SRGAP1: variants seen among roughly 807,000 people sequenced by gnomAD.
SRGAP1 encodes SLIT-ROBO Rho GTPase activating protein 1.
Under a neutral mutation model 121.9 loss-of-function variants are expected in SRGAP1, and 43 were observed. The ratio of observed to expected loss-of-function variants is 0.35; its 90% CI spans 0.28 to 0.46. The LOEUF (loss-of-function observed/expected upper bound fraction) is 0.46, where lower values mean the gene tolerates loss of function less well. Among genes scored for constraint, SRGAP1 ranks in the 20% least tolerant of loss-of-function variants. The pLI is 1.00. For synonymous variants in SRGAP1, 447 were observed against 485.4 expected (o/e 0.92, Z 1.04); for missense variants, 1,102 against 1,350.9 (o/e 0.82, Z 2.89).
At chr12:63,975,159 G>T (rs2033059663) in intron 1 of SRGAP1, among the ~76,000 whole-genome samples, 1 of 152,224 alleles carries the variant, frequency 6.6e-6, no homozygotes, top group African/African-American at 2.4e-5. Flanking sequence ...AAACATGGTA[G>T]TTATTAATGA....
intron 1 of SRGAP1, among the ~76,000 whole-genome samples, chr12:63,900,204 CTTTT>C (rs67622101): frequency 1.1e-5 from 1 of 87,524 alleles, no homozygotes; most frequent in East Asian, 4.2e-4. Context: ...TTTTCTTTTT[CTTTT>C]TTTTTTTTTT....
At chr12:63,851,968 TTTTC>T (rs143811777) in intron 1 of SRGAP1, among the ~76,000 whole-genome samples, 2,391 of 152,190 alleles carry the variant, frequency 0.016, 31 homozygotes, top group Non-Finnish European at 0.026. Flanking sequence ...TTAATGCTGG[TTTTC>T]TTTCTATCTA....
At chr12:63,994,091 A>G (rs567352015) in intron 3 of SRGAP1, among the ~76,000 whole-genome samples, 8 of 152,308 alleles carry the variant, frequency 5.3e-5, no homozygotes, top group African/African-American at 1.7e-4. Flanking sequence ...TTCTGCAGCT[A>G]TAAAGTGGAT....
intron 11 of SRGAP1, among the ~76,000 whole-genome samples, chr12:64,089,364 G>A (rs372446718): frequency 6.6e-6 from 1 of 152,166 alleles, no homozygotes; most frequent in African/African-American, 2.4e-5. Context: ...TTTCCTTTGT[G>A]CCTTCTGCCT....
In SRGAP1 at chr12:64,124,589, G is replaced by A. The variant is rs149476697; in HGVS notation, c.2225-1388G>A. 2.6e-5 allele frequency among the ~76,000 whole-genome samples: 4 copies of A among 152,296 alleles called. No homozygotes were observed. In the East Asian group the frequency reaches 7.7e-4, roughly 29 times the overall value. On this transcript the variant is annotated intron_variant, in intron 18 of 21. Transcript: ENST00000355086. ...TGTTGATTACAAGGCTAAGGATGAG[G>A]TATTTGTGGGAGAGGGGAGCAAAGA...
intron 1 of SRGAP1, among the ~76,000 whole-genome samples, chr12:63,851,180 G>A (rs888882903): frequency 2.6e-5 from 4 of 152,128 alleles, no homozygotes; most frequent in Admixed American, 6.6e-5. Context: ...TTGGTTTAGA[G>A]ACAGTTATGT....
At chr12:63,912,786 A>G (rs757060004) in intron 1 of SRGAP1, among the ~76,000 whole-genome samples, 21 of 152,136 alleles carry the variant, frequency 1.4e-4, no homozygotes, top group Non-Finnish European at 7.4e-5. Flanking sequence ...ATTTTTGACC[A>G]ACATTTTAGA....
At chr12:63,946,807 T>A (rs1262794710) in intron 1 of SRGAP1, among the ~76,000 whole-genome samples, 2 of 152,300 alleles carry the variant, frequency 1.3e-5, no homozygotes, top group East Asian at 3.9e-4. Flanking sequence ...CCTCCCAAAG[T>A]TCTGGGATTA....
chr12:63,943,918 G>A (rs188767749), intron 1 of SRGAP1, among the ~76,000 whole-genome samples: 95 of 152,270 alleles, frequency 6.2e-4, no homozygotes, highest in Non-Finnish European at 1.2e-3. Flanking sequence ...ATCCAAGAAT[G>A]TATATTAAAT....
intron 1 of SRGAP1, among the ~76,000 whole-genome samples, chr12:63,865,798 C>T (rs1427736120): frequency 1.3e-5 from 2 of 152,152 alleles, no homozygotes; most frequent in East Asian, 1.9e-4. Flanking sequence ...GAGCATACTT[C>T]TCAGATGTAA....
chr12:63,855,483 T>TG (rs1173250864), intron 1 of SRGAP1, among the ~76,000 whole-genome samples: 202 of 118,134 alleles, frequency 1.7e-3, no homozygotes, highest in Non-Finnish European at 3.2e-3. Context: ...GTTTTTTTTT[T>TG]TTTTTTTTTT....
At chr12:63,984,242 G>A in intron 2 of SRGAP1, 100 bp downstream of exon 2, 1 of 553,828 alleles carries the variant, frequency 1.8e-6, no homozygotes, top group South Asian at 5.4e-5. Context: ...TCTGAGTAGT[G>A]GTTGTAGAGC....
intron 3 of SRGAP1, among the ~76,000 whole-genome samples, chr12:63,995,792 G>C (rs938877048): frequency 4.0e-5 from 6 of 151,884 alleles, no homozygotes; most frequent in Admixed American, 6.6e-5. Flanking sequence ...TAATCTGAAA[G>C]AAAGGAAAGG....
intron 1 of SRGAP1, among the ~76,000 whole-genome samples, chr12:63,867,883 G>A (rs1381136295): frequency 6.6e-6 from 1 of 151,110 alleles, no homozygotes; most frequent in Non-Finnish European, 1.5e-5. Context: ...AGAAAAGCAG[G>A]GAGATATTTA....
At position 63,986,143 on chromosome 12, in the gene SRGAP1, C is replaced by T. The variant is rs117373573; in HGVS notation, c.263+2001C>T. 7.4e-3 allele frequency among the ~76,000 whole-genome samples: 1,125 copies of T among 151,712 alleles called. 8 individuals are homozygous for T. The highest frequency in any genetic ancestry group is 0.012 in the Non-Finnish European group (809 of 67,880). On this transcript the variant is annotated intron_variant, in intron 2 of 21. Transcript: ENST00000355086. ...TTTCTTCCTCTCCCTTTCACTCTCT[C>T]TCTCCTCTCTTCTCTTTTTTCTTCC...
At chr12:63,863,435 C>T (rs942899953) in intron 1 of SRGAP1, among the ~76,000 whole-genome samples, 1 of 151,932 alleles carries the variant, frequency 6.6e-6, no homozygotes, top group African/African-American at 2.4e-5. Flanking sequence ...GCCATGCCTG[C>T]CTAATTTTGT....
At chr12:63,874,455 G>A (rs1346412241) in intron 1 of SRGAP1, among the ~76,000 whole-genome samples, 2 of 151,992 alleles carry the variant, frequency 1.3e-5, no homozygotes, top group African/African-American at 4.8e-5. Context: ...CGCCTGCCTC[G>A]ACCTCCCAAA....
chr12:64,130,800 G>A, intron 21 of SRGAP1, among the ~76,000 whole-genome samples: 1 of 152,216 alleles, frequency 6.6e-6, no homozygotes, highest in East Asian at 1.9e-4. Context: ...GTCACAGATG[G>A]TAGTCTTGGC....
intron 1 of SRGAP1, among the ~76,000 whole-genome samples, chr12:63,960,387 T>C (rs1348006663): frequency 1.3e-5 from 2 of 152,084 alleles, no homozygotes; most frequent in African/African-American, 4.8e-5. Context: ...GGCTTCTCTT[T>C]TCTTCTCTAC....
Sources: gnomAD v4.1 joint callset for allele counts (sites outside exome capture counted in the v4.1 genomes callset) on GRCh38, gnomAD v4.1.1 for gene constraint, MANE v1.5 for transcripts, NCBI Gene and HGNC (gene_info 2026-07-23, HGNC 2026-07-21) for gene names.